DIP2C: variants seen among roughly 807,000 people sequenced by gnomAD.
DIP2C encodes the protein DIP2 acetate--CoA ligase C (putative), also known as disco-interacting protein 2 homolog C.
Under a neutral mutation model 192.4 loss-of-function variants are expected in DIP2C, and 33 were observed. The ratio of observed to expected loss-of-function variants is 0.17; its 90% CI spans 0.13 to 0.23. DIP2C has a LOEUF of 0.23. Ranked by LOEUF, DIP2C falls within the 10% of genes least tolerant of loss-of-function variation. DIP2C has a pLI of 1.00. For missense variants in DIP2C, 1,537 were observed against 2,110.1 expected (o/e 0.73, Z 5.32); for synonymous variants, 979 against 864.1 (o/e 1.13, Z -2.33).
At chr10:419,952 C>T (rs1408727122) in intron 5 of DIP2C, among the ~76,000 whole-genome samples, 5 of 152,118 alleles carry the variant, frequency 3.3e-5, no homozygotes, top group Admixed American at 2.6e-4. Flanking sequence ...TAATGAATAA[C>T]GCATTGAGGA....
chr10:675,969 C>T (rs1023839511), intron 1 of DIP2C, among the ~76,000 whole-genome samples: 34 of 152,242 alleles, frequency 2.2e-4, no homozygotes, highest in African/African-American at 8.2e-4. Context: ...AAAGAGAAAA[C>T]TATAGGTCAA....
At chr10:396,835 G>GA (rs1013670319) in intron 10 of DIP2C, among the ~76,000 whole-genome samples, 16 of 62,868 alleles carry the variant, frequency 2.5e-4, no homozygotes, top group African/African-American at 6.0e-4. Flanking sequence ...GTGGGGGGGG[G>GA]GGAAACTGGC....
intron 29 of DIP2C, among the ~76,000 whole-genome samples, chr10:340,376 G>A (rs1451997719): frequency 2.6e-5 from 4 of 151,956 alleles, no homozygotes; most frequent in Admixed American, 6.6e-5. Context: ...GGGAAAGCAG[G>A]CGGATAATAC....
At chr10:628,450 C>T (rs907804496) in intron 1 of DIP2C, among the ~76,000 whole-genome samples, 1 of 152,240 alleles carries the variant, frequency 6.6e-6, no homozygotes, top group African/African-American at 2.4e-5. Flanking sequence ...GACAATCAAC[C>T]CAAGACCTCT....
At chr10:585,233 C>T (rs1000501053) in intron 1 of DIP2C, among the ~76,000 whole-genome samples, 1 of 152,202 alleles carries the variant, frequency 6.6e-6, no homozygotes, top group African/African-American at 2.4e-5. Context: ...TCAGAGCAAG[C>T]GTTCCCCATC....
chr10:369,377 C>T (rs534677298), intron 18 of DIP2C, 117 bp downstream of exon 18: 3 of 1,328,438 alleles, frequency 2.3e-6, no homozygotes, highest in Non-Finnish European at 1.0e-6. Flanking sequence ...GAGTGAGGCT[C>T]TCAGCCTGAG....
chr10:387,461 G>T (rs978782887), intron 14 of DIP2C, among the ~76,000 whole-genome samples: 13 of 151,860 alleles, frequency 8.6e-5, no homozygotes, highest in Non-Finnish European at 1.9e-4. Context: ...ACAGTGAGGG[G>T]AGGGGACTCC....
At chr10:457,673 A>AGC (rs2133364139) in intron 3 of DIP2C, among the ~76,000 whole-genome samples, 1 of 152,246 alleles carries the variant, frequency 6.6e-6, no homozygotes, top group Non-Finnish European at 1.5e-5. Flanking sequence ...CTTCCACCTC[A>AGC]GCCCCCTGGG....
chr10:511,295 A>G lies in DIP2C; in HGVS notation c.86-24765T>C, dbSNP rs879534309. ...AATCCAGCGGCTTCCTCCAAGGGGA[A>G]GCGGCCTCTTCAGCTGCCACAGCAC... is the stretch of plus-strand genomic sequence containing the variant. On this transcript the variant is annotated intron_variant, in intron 1 of 36. Coordinates refer to ENST00000280886, the MANE Select transcript of DIP2C (RefSeq NM_014974.3). Among the ~76,000 whole-genome samples, 10 of 152,310 alleles carry G rather than the reference A, an allele frequency of 6.6e-5. No individual in the cohort carries two copies. In the South Asian group the frequency reaches 1.9e-3, roughly 28 times the overall value.
chr10:280,309 G>A (rs1954747892), intron 36 of DIP2C, among the ~76,000 whole-genome samples: 1 of 152,210 alleles, frequency 6.6e-6, no homozygotes, highest in African/African-American at 2.4e-5. Flanking sequence ...CAACCCAGAA[G>A]AGCTGTTCAT....
At chr10:488,923 G>A (rs1318079946) in intron 1 of DIP2C, among the ~76,000 whole-genome samples, 1 of 152,224 alleles carries the variant, frequency 6.6e-6, no homozygotes, top group African/African-American at 2.4e-5. Context: ...GTCTGTGCCT[G>A]ACGCAGAGAG....
intron 1 of DIP2C, among the ~76,000 whole-genome samples, chr10:536,269 C>T (rs1847686781): frequency 6.6e-6 from 1 of 152,254 alleles, no homozygotes; most frequent in Non-Finnish European, 1.5e-5. Context: ...TCCCTTTCCT[C>T]TCCAAGGACA....
intron 24 of DIP2C, among the ~76,000 whole-genome samples, chr10:352,900 G>A (rs544682718): frequency 6.6e-6 from 1 of 152,252 alleles, no homozygotes; most frequent in Non-Finnish European, 1.5e-5. Context: ...TACCCCAGGA[G>A]AAATGCCAGT....
chr10:294,649 G>A (rs1955661483), intron 32 of DIP2C, among the ~76,000 whole-genome samples: 1 of 151,182 alleles, frequency 6.6e-6, no homozygotes, highest in Non-Finnish European at 1.5e-5. Context: ...CTGTGGCAAA[G>A]AGTGGGATAA....
At position 415,759 on chromosome 10, in the gene DIP2C, G is replaced by T; in HGVS notation, c.859+10C>A. On this transcript the variant is annotated intron_variant, in intron 7 of 36. Transcript: ENST00000280886. Reference sequence around the variant, plus strand: ...ATCTGGAAGAAACGTGTGGTAAAGAGTTCTCTCACCTTCTAATAATTCTTC... The same window carrying T: ...ATCTGGAAGAAACGTGTGGTAAAGATTTCTCTCACCTTCTAATAATTCTTC... 1 of 1,613,918 alleles carries T rather than the reference G, an allele frequency of 6.2e-7. No homozygotes were observed. Among genetic ancestry groups the T allele is most frequent in the Non-Finnish European group, 8.5e-7 (1 of 1,179,890 alleles).
chr10:281,092 C>T, intron 36 of DIP2C, 108 bp downstream of exon 36: 1 of 1,477,150 alleles, frequency 6.8e-7, no homozygotes, highest in East Asian at 2.3e-5. Context: ...AATCGCACCC[C>T]CTTCCCTACC....
chr10:551,394 C>A (rs1848579429), intron 1 of DIP2C, among the ~76,000 whole-genome samples: 1 of 152,250 alleles, frequency 6.6e-6, no homozygotes, highest in African/African-American at 2.4e-5. Flanking sequence ...CCACAGGTGC[C>A]ACGGAGGCTG....
At chr10:505,542 G>A (rs1489688898) in intron 1 of DIP2C, among the ~76,000 whole-genome samples, 2 of 152,026 alleles carry the variant, frequency 1.3e-5, no homozygotes, top group Non-Finnish European at 2.9e-5. Flanking sequence ...ACACCAGGGA[G>A]ATGGAGCTGC....
In DIP2C at chr10:413,982, T is replaced by C; in HGVS notation, c.988A>G (p.Ile330Val). Residue 330 changes from isoleucine to valine, a missense_variant, in exon 8 of 37, where the codon ATC becomes GTC. By Grantham distance (29) the Ile-to-Val change is conservative. Around this residue, in one of 4 missense-constraint regions of DIP2C, gnomAD observed 473 missense variants for 539.6 expected, o/e 0.88. Transcript: ENST00000280886. ...LEAALQRWGT[I>V]SPKAPCLTTM... ...GTCAGGCAGGGCGCCTTGGGCGAGA[T>C]GGTGCCCCACCTCTGCAGTGCGGCC... 2.5e-6 allele frequency: 4 copies of C among 1,614,210 alleles called. No homozygotes were observed. The highest frequency in any genetic ancestry group is 3.4e-6 in the Non-Finnish European group (4 of 1,180,028).
Sources: gnomAD v4.1 joint callset for allele counts (sites outside exome capture counted in the v4.1 genomes callset) on GRCh38, gnomAD v4.1.1 for gene constraint, gnomAD v4.1.1 regional missense constraint, MANE v1.5 for transcripts, NCBI Gene and HGNC (gene_info 2026-07-23, HGNC 2026-07-21) for gene names.